The following ABHD6 variants were observed in gnomAD, a reference collection of about 807,000 sequenced individuals.
ABHD6 encodes abhydrolase domain containing 6, acylglycerol lipase.
A neutral mutation model predicts 38.8 loss-of-function variants in ABHD6; 33 were observed. That is an observed-to-expected ratio of 0.85 (90% CI 0.64 to 1.14). The LOEUF (loss-of-function observed/expected upper bound fraction) is 1.14. Among genes scored for constraint, ABHD6 ranks in the 50% most tolerant of loss-of-function variants. The probability of loss-of-function intolerance (pLI) is 0.00; values close to 1 mark genes in which losing one functional copy is unlikely to be tolerated. For synonymous variants in ABHD6, 147 were observed against 161.6 expected (o/e 0.91, Z 0.69); for missense variants, 380 against 422.6 (o/e 0.90, Z 0.88).
In ABHD6 at chr3:58,266,494, A is replaced by AT. The variant is rs1044546818; in HGVS notation, c.120-689dup. On this transcript the variant is annotated intron_variant, in intron 3 of 9. Coordinates refer to ENST00000478253, the MANE Select transcript of ABHD6 (RefSeq NM_001320126.2). The surrounding 1 kb of genome is among the most constrained non-coding windows in gnomAD (Gnocchi z 4.0). ...AAAAAAACCTTATGTATGCTCTCAC[A>AT]TTTTTTGTATGCGGATAAAAGTAAA... Among the ~76,000 whole-genome samples the AT allele has an allele frequency of 1.3e-5, 2 of 151,916 alleles. No homozygotes were observed. Among genetic ancestry groups the AT allele is most frequent in the Non-Finnish European group, 2.9e-5 (2 of 67,970 alleles).
Position 58,273,403 on chromosome 3 carries a change from A to T in ABHD6, c.524-1255A>T, listed in dbSNP as rs550141918. On this transcript the variant is annotated intron_variant, in intron 6 of 9. Transcript: ENST00000478253. This position sits in a 1 kb window ranked among gnomAD's most constrained non-coding sequence, Gnocchi z 4.8. ...CCCATCTCTGCAAAAATATAAAATTAAAAAAAAATCTAACATTCACACATA... is the reference window on the plus strand; with the variant it reads ...CCCATCTCTGCAAAAATATAAAATTTAAAAAAAATCTAACATTCACACATA... Among the ~76,000 whole-genome samples the T allele has an allele frequency of 3.7e-4, 56 of 151,772 alleles. No homozygotes were observed. The highest frequency in any genetic ancestry group is 1.1e-3 in the African/African-American group (46 of 41,386).
At position 58,256,564 on chromosome 3, in the gene ABHD6, G is replaced by A. The variant is rs201169634; in HGVS notation, c.-23G>A. 3.8e-4 allele frequency: 601 copies of A among 1,583,308 alleles called. No homozygotes were observed. Among genetic ancestry groups the A allele is most frequent in the Non-Finnish European group, 4.8e-4 (555 of 1,153,838 alleles). ...GTCATTCTCTTTGGCCCCTGCAGGA[G>A]TCAGCCAGCCTGAAAGAGCAGGATG... On this transcript the variant is annotated splice_region_variant and 5_prime_UTR_variant, in exon 3 of 10. Transcript: ENST00000478253. This position sits in a 1 kb window ranked among gnomAD's most constrained non-coding sequence, Gnocchi z 4.3.
At position 58,287,507 on chromosome 3, in the gene ABHD6, C is replaced by T. The variant is rs1016868096; in HGVS notation, c.837+2054C>T. Among the ~76,000 whole-genome samples, 2 of 152,124 alleles carry T rather than the reference C, an allele frequency of 1.3e-5. No homozygotes were observed. Among genetic ancestry groups the T allele is most frequent in the African/African-American group, 4.8e-5 (2 of 41,420 alleles). On this transcript the variant is annotated intron_variant, in intron 9 of 9. Coordinates refer to ENST00000478253, the MANE Select transcript of ABHD6 (RefSeq NM_001320126.2). The surrounding 1 kb of genome is among the most constrained non-coding windows in gnomAD (Gnocchi z 4.7). ...AGATGAGCCAGGCATGGTGAGGATT[C>T]ACAGCATGGTTTTGTGGACGTGGAG...
At chr3:58,268,276 A>T (rs992577172) in intron 4 of ABHD6, among the ~76,000 whole-genome samples, 2 of 151,650 alleles carry the variant, frequency 1.3e-5, no homozygotes, top group African/African-American at 4.8e-5. Context: ...TTTTTTTTGT[A>T]CTCCCAAGTT....
At chr3:58,255,376 T>G (rs2097432546) in intron 2 of ABHD6, among the ~76,000 whole-genome samples, 1 of 152,154 alleles carries the variant, frequency 6.6e-6, no homozygotes, top group Non-Finnish European at 1.5e-5. Context: ...GCTATCTACT[T>G]CCCCACCTTA....
At position 58,259,266 on chromosome 3, in the gene ABHD6, G is replaced by GT. The variant is rs1226529736; in HGVS notation, c.119+2562dup. 6.6e-6 allele frequency among the ~76,000 whole-genome samples: 1 copy of GT among 152,226 alleles called. No individual in the cohort carries two copies. Among genetic ancestry groups the GT allele is most frequent in the Non-Finnish European group, 1.5e-5 (1 of 68,040 alleles). Reference sequence around the variant, plus strand: ...GGCTGTCGAGGAGAAGGCTTTCAGAGTAAGGGTGTTAGGGTAATTTTGATG... The same window carrying GT: ...GGCTGTCGAGGAGAAGGCTTTCAGAGTTAAGGGTGTTAGGGTAATTTTGATG... On this transcript the variant is annotated intron_variant, in intron 3 of 9. Transcript: ENST00000478253. This position sits in a 1 kb window ranked among gnomAD's most constrained non-coding sequence, Gnocchi z 4.7.
chr3:58,294,177 A>G lies in ABHD6; in HGVS notation c.*412A>G, dbSNP rs2097465649. On this transcript the variant is annotated 3_prime_UTR_variant, in exon 10 of 10. Transcript: ENST00000478253. ...TTCCCTTGCATGGGCAGTGGCTTTTATAGGAGCATTAGTCCTCATTCGCTG... is the reference window on the plus strand; with the variant it reads ...TTCCCTTGCATGGGCAGTGGCTTTTGTAGGAGCATTAGTCCTCATTCGCTG... 6.3e-6 allele frequency: 1 copy of G among 159,526 alleles called. No homozygotes were observed. Among genetic ancestry groups the G allele is most frequent in the South Asian group, 1.9e-4 (1 of 5,260 alleles). 9.9% of individuals were successfully genotyped at this position (159,526 alleles called of 1,614,324 possible).
intron 7 of ABHD6, among the ~76,000 whole-genome samples, chr3:58,279,255 T>C (rs576183346): frequency 6.6e-6 from 1 of 152,348 alleles, no homozygotes; most frequent in African/African-American, 2.4e-5. Context: ...TGTAGGTCTC[T>C]AAGAGCTTGC....
intron 7 of ABHD6, among the ~76,000 whole-genome samples, chr3:58,276,082 A>G (rs972082041): frequency 1.3e-5 from 2 of 152,140 alleles, no homozygotes; most frequent in African/African-American, 2.4e-5. Flanking sequence ...ACATACGTGT[A>G]CATGTGTCTT....
chr3:58,274,585 A>G, intron 6 of ABHD6, 73 bp from the exon 7 acceptor site: 1 of 1,489,126 alleles, frequency 6.7e-7, no homozygotes, highest in Non-Finnish European at 9.1e-7. Flanking sequence ...CTGCTGTCAG[A>G]AGTTCCCTAT....
chr3:58,293,873 G>A lies in ABHD6; in HGVS notation c.*108G>A. On this transcript the variant is annotated 3_prime_UTR_variant, in exon 10 of 10. Transcript: ENST00000478253. This position sits in a 1 kb window ranked among gnomAD's most constrained non-coding sequence, Gnocchi z 4.4. ...TGCCCCAAATGCGGTCGGAGCGCCAGTGACCCTGAGGAAGCCCGTCCCTTA... is the reference window on the plus strand; with the variant it reads ...TGCCCCAAATGCGGTCGGAGCGCCAATGACCCTGAGGAAGCCCGTCCCTTA... The A allele has an allele frequency of 7.6e-7, 1 of 1,313,898 alleles. No homozygotes were observed. The highest frequency in any genetic ancestry group is 1.0e-6 in the Non-Finnish European group (1 of 963,614). The allele number at this position is 1,313,898 out of a possible 1,614,324, so 81.4% of individuals were successfully genotyped here.
chr3:58,244,253 A>C (rs1021414957), intron 1 of ABHD6, among the ~76,000 whole-genome samples: 1 of 152,230 alleles, frequency 6.6e-6, no homozygotes, highest in Non-Finnish European at 1.5e-5. Flanking sequence ...AGGATCTGGC[A>C]ATGTGAGATC....
chr3:58,244,825 G>A (rs1027122902), intron 1 of ABHD6, among the ~76,000 whole-genome samples: 1 of 151,784 alleles, frequency 6.6e-6, no homozygotes, highest in Non-Finnish European at 1.5e-5. Context: ...ATTTACTATT[G>A]CTTTTAAAAT....
chr3:58,279,430 TTTTTGCTTTCCG>T (rs2097451262), intron 7 of ABHD6, among the ~76,000 whole-genome samples: 1 of 152,204 alleles, frequency 6.6e-6, no homozygotes, highest in Non-Finnish European at 1.5e-5. Context: ...CCCTGCTTTT[TTTTTGCTTTCCG>T]TTTGCTTAGT....
Position 58,287,723 on chromosome 3 carries a change from C to G in ABHD6, c.837+2270C>G, listed in dbSNP as rs2097458541. Among the ~76,000 whole-genome samples the G allele has an allele frequency of 6.6e-6, 1 of 152,148 alleles. No homozygotes were observed. The highest frequency in any genetic ancestry group is 2.1e-4 in the South Asian group (1 of 4,830). On this transcript the variant is annotated intron_variant, in intron 9 of 9. Transcript: ENST00000478253. The surrounding 1 kb of genome is among the most constrained non-coding windows in gnomAD (Gnocchi z 4.7). ...GGAGCCAACAGGGAGAGGCTGTAAC[C>G]CATCTTCCTGTGGAGACAGCGCAGA...
intron 6 of ABHD6, among the ~76,000 whole-genome samples, chr3:58,272,218 G>T (rs2097445538): frequency 6.6e-6 from 1 of 152,282 alleles, no homozygotes; most frequent in South Asian, 2.1e-4. Flanking sequence ...TGCAGGTCAA[G>T]ATATTATGCC....
At chr3:58,279,651 T>G (rs993767144) in intron 7 of ABHD6, among the ~76,000 whole-genome samples, 16 of 152,220 alleles carry the variant, frequency 1.1e-4, no homozygotes, top group Non-Finnish European at 1.9e-4. Context: ...AGCTGGTTAT[T>G]TTGCCCATTA....
rs765216945 is a variant in ABHD6 at position 58,256,616 on chromosome 3, G to A, written c.30G>A (p.Val10=). 2 of 1,614,116 alleles carry A rather than the reference G, an allele frequency of 1.2e-6. No homozygotes were observed. The highest frequency in any genetic ancestry group is 2.2e-5 in the South Asian group (2 of 91,076). The change falls in exon 3 of 10, where the codon GTG becomes GTA. Residue 10 remains valine (V), a synonymous_variant. Transcript: ENST00000478253. The surrounding 1 kb of genome is among the most constrained non-coding windows in gnomAD (Gnocchi z 4.3). MDLDVVNMF[V]IAGGTLAIPI... is the part of the protein sequence containing the mutation. The stretch of plus-strand genomic sequence containing the variant: ...ATCTTGATGTGGTTAACATGTTTGT[G>A]ATTGCGGGCGGCACGCTGGCCATCC...
intron 7 of ABHD6, among the ~76,000 whole-genome samples, chr3:58,279,279 G>A (rs1487579715): frequency 6.6e-5 from 10 of 152,140 alleles, no homozygotes; most frequent in Non-Finnish European, 8.8e-5. Flanking sequence ...ATGAATCTGG[G>A]TGCTCCTGTA....
Sources: gnomAD v4.1 joint callset for allele counts (sites outside exome capture counted in the v4.1 genomes callset) on GRCh38, gnomAD v4.1.1 for gene constraint, Gnocchi (gnomAD v3.1) non-coding constraint, MANE v1.5 for transcripts, NCBI Gene and HGNC (gene_info 2026-07-23, HGNC 2026-07-21) for gene names.